Variants in TUT1 observed in about 807,000 individuals in gnomAD.
TUT1 encodes the protein terminal uridylyl transferase 1, U6 snRNA-specific.
TUT1 carries 26 observed loss-of-function variants against 48.8 expected under a neutral mutation model. That is an observed-to-expected ratio of 0.53 (90% CI 0.39 to 0.74). TUT1 has a LOEUF of 0.74. TUT1 is among the 30% of genes least tolerant of loss of function. TUT1 has a pLI of 0.00. For synonymous variants in TUT1, 470 were observed against 460.8 expected, an observed-to-expected ratio of 1.02 and a Z score of -0.26; for missense variants, 1,065 against 1,114.8, an observed-to-expected ratio of 0.96 and a Z score of 0.64.
intron 2 of TUT1, among the ~76,000 whole-genome samples, chr11:62,588,701 CT>C (rs1239198808): frequency 3.9e-5 from 6 of 152,148 alleles, no homozygotes; most frequent in Admixed American, 1.3e-4. Context: ...CTGATTCATT[CT>C]TTTTTTTCTT....
intron 1 of TUT1, among the ~76,000 whole-genome samples, chr11:62,590,358 C>T (rs942493273): frequency 1.3e-5 from 2 of 152,154 alleles, no homozygotes; most frequent in African/African-American, 2.4e-5. Context: ...CCAAGTAGGC[C>T]GGGCGCGGTG....
intron 2 of TUT1, among the ~76,000 whole-genome samples, chr11:62,583,956 A>G (rs776727446): frequency 4.6e-5 from 7 of 152,186 alleles, no homozygotes; most frequent in South Asian, 2.1e-4. Flanking sequence ...CACACCATAC[A>G]TAACAATTAA....
At chr11:62,581,843 A>T in intron 2 of TUT1, 142 bp from the exon 3 acceptor site, 1 of 804,948 alleles carries the variant, frequency 1.2e-6, no homozygotes, top group Non-Finnish European at 1.8e-6. Context: ...AACAGGGGAC[A>T]TATCTAGAAA....
In TUT1 at chr11:62,578,593, T is replaced by C; in HGVS notation, c.1128A>G (p.Ser376=). The C allele has an allele frequency of 6.2e-7, 1 of 1,612,330 alleles. No individual in the cohort carries two copies. Among genetic ancestry groups the C allele is most frequent in the Non-Finnish European group, 8.5e-7 (1 of 1,179,130 alleles). ...TGAGGGAGACATCACCGTGGAGACC[T>C]GAAGGCCGATGACAGAACTTGACCA... ...RPVVKFCHRP[S]GLHGDVSLSN... The change falls in exon 5 of 9, where the codon TCA becomes TCG. Residue 376 remains serine, a synonymous_variant. Coordinates refer to ENST00000476907, the MANE Select transcript of TUT1 (RefSeq NM_022830.3).
In TUT1 at chr11:62,588,937, G is replaced by A. The variant is rs551656246; in HGVS notation, c.273+94C>T. ...TCAAACTCCTAACCTCAGGTAATCC[G>A]CCTGCCTCAGCCTCCCAAAGTGATG... On this transcript the variant is annotated intron_variant, in intron 2 of 8. Transcript: ENST00000476907. 6.2e-5 allele frequency: 75 copies of A among 1,211,396 alleles called. 1 individual carries two copies. The highest frequency in any genetic ancestry group is 4.9e-4 in the South Asian group (33 of 67,078). The allele number at this position is 1,211,396 out of a possible 1,614,324, so 75.0% of individuals were successfully genotyped here.
intron 7 of TUT1, 49 bp downstream of exon 7, chr11:62,576,858 A>G (rs1184047244): frequency 6.2e-7 from 1 of 1,600,742 alleles, no homozygotes; most frequent in Non-Finnish European, 8.6e-7. Context: ...GTGATGAAGA[A>G]GAGAGAGGAA....
intron 2 of TUT1, among the ~76,000 whole-genome samples, chr11:62,585,817 C>A (rs1403341197): frequency 6.6e-6 from 1 of 151,816 alleles, no homozygotes; most frequent in Non-Finnish European, 1.5e-5. Context: ...ATAAACAGGC[C>A]TGGCACGGTG....
At position 62,579,013 on chromosome 11, in the gene TUT1, T is replaced by C; in HGVS notation, c.708A>G (p.Pro236=). ...GGGCCGAGTCCAGCGATGGAGATTC[T>C]GGAGCCTTTGGGACTGGCTGTGGAC... ...LEEPQPVPKA[P]ESPSLDSALA... The change falls in exon 5 of 9, where the codon CCA becomes CCG. Residue 236 remains proline, a synonymous_variant. Transcript: ENST00000476907. 2 of 1,513,448 alleles carry C rather than the reference T, an allele frequency of 1.3e-6. No individual in the cohort carries two copies. The highest frequency in any genetic ancestry group is 1.8e-6 in the Non-Finnish European group (2 of 1,131,968). 93.8% of individuals were successfully genotyped at this position (1,513,448 alleles called of 1,614,324 possible). A position where few individuals can be genotyped will look rare whatever the true frequency, so the allele number is the denominator to read the frequency against.
intron 2 of TUT1, 95 bp from the exon 3 acceptor site, chr11:62,581,796 C>A: frequency 9.3e-7 from 1 of 1,079,688 alleles, no homozygotes; most frequent in Middle Eastern, 2.1e-4. Context: ...GGAGACTATC[C>A]CATAAATTGA....
rs1182106125 is a variant in TUT1, at chr11:62,578,813, T to G, written c.908A>C (p.Gln303Pro). 1.1e-5 allele frequency: 17 copies of G among 1,613,994 alleles called. No individual in the cohort carries two copies. The highest frequency in any genetic ancestry group is 1.0e-5 in the Non-Finnish European group (12 of 1,179,980). Residue 303 changes from glutamine (Q) to proline (P), a missense_variant, in exon 5 of 9, where the codon CAG (glutamine) becomes CCG (proline). Coordinates refer to ENST00000476907, the MANE Select transcript of TUT1 (RefSeq NM_022830.3). Reference protein sequence around the residue: ...ALASETLASPQSLPPASPLLE... With the variant: ...ALASETLASPPSLPPASPLLE... ...CAGTGGTGAAGCTGGAGGCAGAGACTGGGGAGAAGCAAGGGTCTCGGAGGC... is the reference window on the plus strand; with the variant it reads ...CAGTGGTGAAGCTGGAGGCAGAGACGGGGGAGAAGCAAGGGTCTCGGAGGC...
Position 62,576,735 on chromosome 11 carries a change from C to G in TUT1, c.1396G>C (p.Val466Leu). ...LTQKAGEGEQ[V>L]EVDGWDCSFP... ...CTGCAGTCCCAGCCATCGACTTCCA[C>G]CTGTTCCCCCTCTCCTGTGAAAGTA... Residue 466 changes from valine (V) to leucine (L), a missense_variant, in exon 8 of 9, where the codon GTG becomes CTG. Physicochemically the swap from Val to Leu is conservative, Grantham distance 32 (BLOSUM62 1). Coordinates refer to ENST00000476907, the MANE Select transcript of TUT1 (RefSeq NM_022830.3). 1 of 1,614,194 alleles carries G rather than the reference C, an allele frequency of 6.2e-7. No homozygotes were observed. Among genetic ancestry groups the G allele is most frequent in the Non-Finnish European group, 8.5e-7 (1 of 1,180,036 alleles).
Position 62,581,419 on chromosome 11 carries a change from G to C in TUT1, c.556C>G (p.Leu186Val). The C allele has an allele frequency of 6.2e-7, 1 of 1,610,358 alleles. No homozygotes were observed. The highest frequency in any genetic ancestry group is 1.1e-5 in the South Asian group (1 of 90,758). Residue 186 changes from leucine to valine, a missense_variant, in exon 3 of 9, where the codon CTG (leucine) becomes GTG (valine). Coordinates refer to ENST00000476907, the MANE Select transcript of TUT1 (RefSeq NM_022830.3). ...AACTCTGTGAAGACCTCCTGCATCAGGGCCACCACTAGGCTGCGAAGCTGC... is the reference window on the plus strand; with the variant it reads ...AACTCTGTGAAGACCTCCTGCATCACGGCCACCACTAGGCTGCGAAGCTGC... Reference protein sequence around the residue: ...ERQLRSLVVALMQEVFTEFFP... With the variant: ...ERQLRSLVVAVMQEVFTEFFP...
Position 62,581,184 on chromosome 11 carries a change from G to A in TUT1, c.612C>T (p.Gly204=). The change falls in exon 4 of 9, where the codon GGC becomes GGT. Residue 204 remains glycine (G), a synonymous_variant. Transcript: ENST00000476907. ...GGACATCGAAGCTATTTATGGAAGA[G>A]CCAAAAGGGTGGACCACACAGCCTG... ...FFPGCVVHPF[G]SSINSFDVHG... is the part of the protein sequence containing the mutation. The A allele has an allele frequency of 6.2e-7, 1 of 1,614,154 alleles. No individual in the cohort carries two copies.
chr11:62,577,892 T>C (rs1285246272), intron 5 of TUT1, among the ~76,000 whole-genome samples: 2 of 151,210 alleles, frequency 1.3e-5, no homozygotes, highest in Non-Finnish European at 2.9e-5. Flanking sequence ...CGAAATCCCA[T>C]CTCTACTAAA....
At chr11:62,586,336 T>TTGTAAC (rs1235853922) in intron 2 of TUT1, among the ~76,000 whole-genome samples, 2 of 152,254 alleles carry the variant, frequency 1.3e-5, no homozygotes, top group Admixed American at 6.5e-5. Context: ...GTTAAGTAAC[T>TTGTAAC]TGTAACTGCC....
chr11:62,582,650 T>C (rs1318880169), intron 2 of TUT1: 1 of 449,438 alleles, frequency 2.2e-6, no homozygotes, highest in Non-Finnish European at 4.5e-6. Context: ...CCAAACATTT[T>C]ACTCTCACCC....
intron 2 of TUT1, among the ~76,000 whole-genome samples, chr11:62,582,000 T>C (rs1431616160): frequency 1.3e-5 from 2 of 152,016 alleles, no homozygotes; most frequent in African/African-American, 4.8e-5. Flanking sequence ...TTTTTTTTTT[T>C]GAGATGGAGT....
chr11:62,582,880 G>T (rs976955721), intron 2 of TUT1, among the ~76,000 whole-genome samples: 6 of 152,008 alleles, frequency 3.9e-5, no homozygotes, highest in African/African-American at 1.4e-4. Context: ...TGTAATCCCA[G>T]CACTTTAGGA....
At chr11:62,584,049 T>C (rs1767979976) in intron 2 of TUT1, among the ~76,000 whole-genome samples, 1 of 152,140 alleles carries the variant, frequency 6.6e-6, no homozygotes, top group Admixed American at 6.6e-5. Flanking sequence ...GCGTTTCTTT[T>C]TGGAGTGGTG....
Sources: allele counts gnomAD v4.1 joint callset (sites outside exome capture counted in the v4.1 genomes callset), GRCh38; gene constraint gnomAD v4.1.1; transcripts MANE v1.5; gene names NCBI Gene and HGNC (gene_info 2026-07-23, HGNC 2026-07-21).